Variants in KLF8 observed in about 807,000 individuals in gnomAD.
The protein encoded by KLF8 is KLF transcription factor 8.
KLF8 carries 10 observed loss-of-function variants against 18.2 expected under a neutral mutation model. That is an observed-to-expected ratio of 0.55 (90% CI 0.34 to 0.93). KLF8 has a LOEUF of 0.93. KLF8 is among the 40% of genes least tolerant of loss of function. The probability of loss-of-function intolerance (pLI) is 0.02; values close to 1 mark genes in which losing one functional copy is unlikely to be tolerated. For synonymous variants in KLF8, 109 were observed against 97.3 expected (o/e 1.12, Z -0.71); for missense variants, 264 against 277.9 (o/e 0.95, Z 0.36).
the KLF8 span, among the ~76,000 whole-genome samples, chrX:56,009,139 C>T: frequency 1.8e-5 from 2 of 111,212 alleles, no homozygotes; most frequent in East Asian, 5.7e-4. Flanking sequence ...CTAGGTGGTC[C>T]CCTAGATCAC....
chrX:56,173,273 T>G, the KLF8 span, among the ~76,000 whole-genome samples: 3 of 112,184 alleles, frequency 2.7e-5, no homozygotes, highest in South Asian at 1.1e-3. Flanking sequence ...AATTAATTTT[T>G]GTATAAGTTG....
chrX:56,135,862 G>A, the KLF8 span, among the ~76,000 whole-genome samples: 15 of 111,676 alleles, frequency 1.3e-4, no homozygotes, highest in East Asian at 2.2e-3. Context: ...GGATACAGCA[G>A]TGTTAAGAGG....
chrX:56,139,199 G>A, the KLF8 span, among the ~76,000 whole-genome samples: 3 of 111,851 alleles, frequency 2.7e-5, no homozygotes, highest in African/African-American at 9.8e-5. Context: ...TGGATAGGAA[G>A]AATCAATATT....
chrX:56,018,617 T>C, the KLF8 span, among the ~76,000 whole-genome samples: 1 of 111,359 alleles, frequency 9.0e-6, no homozygotes, highest in Non-Finnish European at 1.9e-5. Context: ...TGTTTTATTA[T>C]ATAATACATG....
chrX:56,068,759 C>G, the KLF8 span, among the ~76,000 whole-genome samples: 10 of 110,028 alleles, frequency 9.1e-5, no homozygotes, highest in Admixed American at 1.9e-4. Flanking sequence ...AGCACAGCAG[C>G]CCCGCTTCTG....
At chrX:56,276,134 C>T (rs1170936961) in intron 5 of KLF8, among the ~76,000 whole-genome samples, 4 of 109,550 alleles carry the variant, frequency 3.7e-5, no homozygotes, top group South Asian at 4.1e-4. Flanking sequence ...GGGAGACCTG[C>T]CCCCCGCCCC....
At chrX:56,155,346 A>T in the KLF8 span, among the ~76,000 whole-genome samples, 2 of 111,359 alleles carry the variant, frequency 1.8e-5, no homozygotes, top group African/African-American at 6.5e-5. Context: ...TCAGCAAACT[A>T]TCGCAAGGAG....
the KLF8 span, among the ~76,000 whole-genome samples, chrX:56,094,793 G>T: frequency 9.0e-6 from 1 of 110,965 alleles, no homozygotes; most frequent in South Asian, 3.8e-4. Flanking sequence ...ATCAATAACA[G>T]AATGATAGCT....
chrX:56,076,792 T>C, the KLF8 span, among the ~76,000 whole-genome samples: 333 of 111,876 alleles, frequency 3.0e-3, no homozygotes, highest in African/African-American at 0.01. Context: ...CCACATCCTC[T>C]CCAGCACATG....
At chrX:56,087,543 G>A in the KLF8 span, among the ~76,000 whole-genome samples, 2 of 110,676 alleles carry the variant, frequency 1.8e-5, no homozygotes, top group Non-Finnish European at 3.8e-5. Flanking sequence ...GCAGATGCCA[G>A]CATCATGGTT....
At chrX:56,164,886 A>G in the KLF8 span, among the ~76,000 whole-genome samples, 2 of 78,502 alleles carry the variant, frequency 2.5e-5, no homozygotes, top group Non-Finnish European at 4.9e-5. Context: ...ATATCTCCCA[A>G]TGCTATCCCT....
the KLF8 span, among the ~76,000 whole-genome samples, chrX:56,159,437 G>A: frequency 8.9e-6 from 1 of 112,527 alleles, no homozygotes. Context: ...TTTTTCTATT[G>A]ATTGGAATAG....
At chrX:56,108,223 T>C in the KLF8 span, among the ~76,000 whole-genome samples, 4 of 112,149 alleles carry the variant, frequency 3.6e-5, no homozygotes, top group Non-Finnish European at 7.5e-5. Flanking sequence ...TACTGGCTAT[T>C]ACTTCCAGTG....
At chrX:56,096,859 G>A in the KLF8 span, among the ~76,000 whole-genome samples, 3 of 110,720 alleles carry the variant, frequency 2.7e-5, no homozygotes, top group East Asian at 5.7e-4. Flanking sequence ...CTGAATTTGA[G>A]GGCATTAAGA....
chrX:56,233,859 GA>G (rs1452704327), intron 1 of KLF8, among the ~76,000 whole-genome samples: 2 of 111,682 alleles, frequency 1.8e-5, no homozygotes, highest in Non-Finnish European at 3.8e-5. Context: ...AGCTGCGGGG[GA>G]GGAGCTGCTT....
the KLF8 span, among the ~76,000 whole-genome samples, chrX:56,000,170 C>G: frequency 1.4e-4 from 15 of 110,766 alleles, no homozygotes; most frequent in Admixed American, 1.2e-3. Context: ...GTGGAAACAT[C>G]CCTGCATCTA....
chrX:56,281,502 C>T (rs377698336), intron 5 of KLF8, among the ~76,000 whole-genome samples: 28 of 111,724 alleles, frequency 2.5e-4, no homozygotes, highest in African/African-American at 2.9e-4. Flanking sequence ...CTCTGCCTCC[C>T]GGGTTCAAGC....
chrX:56,045,012 G>C, the KLF8 span, among the ~76,000 whole-genome samples: 4 of 112,378 alleles, frequency 3.6e-5, no homozygotes, highest in African/African-American at 1.3e-4. Context: ...CAACATTCTA[G>C]AATTTTTATT....
chrX:56,046,581 G>A, the KLF8 span, among the ~76,000 whole-genome samples: 6 of 97,631 alleles, frequency 6.1e-5, no homozygotes, highest in East Asian at 3.4e-4. Flanking sequence ...TGGTAGTGTC[G>A]TATTCTCTCA....
Sources: gnomAD v4.1 joint callset for allele counts (sites outside exome capture counted in the v4.1 genomes callset) on GRCh38, gnomAD v4.1.1 for gene constraint, MANE v1.5 for transcripts, NCBI Gene and HGNC (gene_info 2026-07-23, HGNC 2026-07-21) for gene names.